KDR: variants seen among roughly 807,000 people sequenced by gnomAD.
KDR encodes the protein kinase insert domain receptor, also known as vascular endothelial growth factor receptor 2.
KDR carries 43 observed loss-of-function variants against 160.9 expected under a neutral mutation model. The observed-to-expected ratio is 0.27, with a 90% CI of 0.21 to 0.34. The LOEUF (loss-of-function observed/expected upper bound fraction) is 0.34. Ranked by LOEUF, KDR falls within the 10% of genes least tolerant of loss-of-function variation. KDR has a pLI of 1.00. For missense variants in KDR, 1,469 were observed against 1,666.4 expected, an observed-to-expected ratio of 0.88 and a Z score of 2.06; for synonymous variants, 617 against 600.1, an observed-to-expected ratio of 1.03 and a Z score of -0.41.
Position 55,094,887 on chromosome 4 carries a change from G to GCGC in KDR, c.2883_2885dup (p.Arg962dup). 1 of 1,613,968 alleles carries GCGC rather than the reference G, an allele frequency of 6.2e-7. No individual in the cohort carries two copies. ...TCTGGCTACTGGTGATGCTGTCCAA[G>GCGC]CGCCGTTTCAGATCCACAGGGATTG... On this transcript the variant is annotated inframe_insertion, in exon 21 of 30. Transcript: ENST00000263923.
At position 55,110,713 on chromosome 4, in the gene KDR, C is replaced by G. The variant is rs367820756; in HGVS notation, c.1032G>C (p.Val344=). The G allele has an allele frequency of 6.9e-5, 112 of 1,613,602 alleles. No homozygotes were observed. The African/African-American group carries it at 9.6e-4, about 14-fold the overall frequency. ...SGMESLVEAT[V]GERVRIPAKY... ...TCGCAGGGATTCTGACACGCTCCCC[C>G]ACCGTGGCTTCCACCAGAGATTCCA... The change falls in exon 8 of 30, where the codon GTG becomes GTC. Residue 344 remains valine, a synonymous_variant. Coordinates refer to ENST00000263923, the MANE Select transcript of KDR (RefSeq NM_002253.4).
rs1720226070 is a variant in KDR, at chr4:55,098,747, C to T, written c.2323G>A (p.Ala775Thr). 1 of 1,613,406 alleles carries T rather than the reference C, an allele frequency of 6.2e-7. No homozygotes were observed. Among genetic ancestry groups the T allele is most frequent in the Non-Finnish European group, 8.5e-7 (1 of 1,179,524 alleles). ...IIILVGTAVI[A>T]MFFWLLLVII... ...ACAAGAAGTAGCCAGAAGAACATGG[C>T]AATCACCGCCGTGCCTACTAGAATA... is the stretch of plus-strand genomic sequence containing the variant. Residue 775 changes from alanine (A) to threonine (T), a missense_variant, in exon 16 of 30, where the codon GCC becomes ACC. Physicochemically the swap from Ala to Thr is moderately conservative, Grantham distance 58. This residue lies in a region of KDR where 118 missense variants were observed against 110.8 expected (regional missense o/e 1.06). Coordinates refer to ENST00000263923, the MANE Select transcript of KDR (RefSeq NM_002253.4).
Position 55,087,736 on chromosome 4 carries a change from A to G in KDR, c.3533T>C (p.Leu1178Pro). 1 of 1,614,210 alleles carries G rather than the reference A, an allele frequency of 6.2e-7. No individual in the cohort carries two copies. The highest frequency in any genetic ancestry group is 1.1e-5 in the South Asian group (1 of 91,086). ...AQQDGKDYIV[L>P]PISETLSMEE... The stretch of plus-strand genomic sequence containing the variant: ...CATGCTCAAAGTCTCTGATATCGGA[A>G]GAACAATGTAGTCTTTGCCATCCTG... Residue 1178 changes from leucine (L) to proline (P), a missense_variant, in exon 27 of 30, where the codon CTT becomes CCT. By Grantham distance (98) the Leu-to-Pro change is moderately conservative. Around this residue, in one of 7 missense-constraint regions of KDR, gnomAD observed 132 missense variants for 195.9 expected, o/e 0.67. Transcript: ENST00000263923.
At chr4:55,124,126 T>C (rs1236812534) in intron 1 of KDR, among the ~76,000 whole-genome samples, 3 of 152,210 alleles carry the variant, frequency 2.0e-5, no homozygotes, top group Non-Finnish European at 4.4e-5. Context: ...CATGGACAGA[T>C]GATCCTGGTA....
chr4:55,080,460 G>A lies in KDR; in HGVS notation c.3849-297C>T, dbSNP rs1026901918. 3.1e-4 allele frequency among the ~76,000 whole-genome samples: 46 copies of A among 148,164 alleles called. 1 individual carries two copies. Among genetic ancestry groups the A allele is most frequent in the Admixed American group, 3.0e-3 (45 of 15,212 alleles). On this transcript the variant is annotated intron_variant, in intron 29 of 29. Coordinates refer to ENST00000263923, the MANE Select transcript of KDR (RefSeq NM_002253.4). Reference sequence around the variant, plus strand: ...GCAAAGGCCCCAACTGATGGAACATGTTTATGGCCTCGCAGATTGACAAAT... The same window carrying A: ...GCAAAGGCCCCAACTGATGGAACATATTTATGGCCTCGCAGATTGACAAAT...
intron 15 of KDR, among the ~76,000 whole-genome samples, chr4:55,100,169 GAGA>G (rs1166095003): frequency 1.3e-5 from 2 of 152,178 alleles, no homozygotes; most frequent in African/African-American, 4.8e-5. Flanking sequence ...GGCCTCAAGA[GAGA>G]AGAAGACAAG....
chr4:55,114,736 G>C (rs566982955), intron 5 of KDR, 138 bp downstream of exon 5: 1 of 751,588 alleles, frequency 1.3e-6, no homozygotes, highest in East Asian at 2.6e-5. Flanking sequence ...ATTTGGTAGA[G>C]AAGAGCAGAT....
At chr4:55,122,554 A>C (rs1720911102) in intron 1 of KDR, among the ~76,000 whole-genome samples, 1 of 152,226 alleles carries the variant, frequency 6.6e-6, no homozygotes, top group Non-Finnish European at 1.5e-5. Context: ...TGAGGATCCC[A>C]ATATGAACAA....
chr4:55,085,795 TGTG>T (rs1340984093), intron 27 of KDR, among the ~76,000 whole-genome samples: 6 of 151,856 alleles, frequency 4.0e-5, no homozygotes, highest in African/African-American at 1.5e-4. Context: ...GTGCTGGGAG[TGTG>T]GTGTCACATT....
At chr4:55,115,115 A>T in intron 4 of KDR, 73 bp from the exon 5 acceptor site, 1 of 1,352,188 alleles carries the variant, frequency 7.4e-7, no homozygotes, top group South Asian at 1.2e-5. Flanking sequence ...TGATCACTGA[A>T]GAATTCATCT....
chr4:55,107,837 C>G lies in KDR; in HGVS notation c.1312G>C (p.Gly438Arg), dbSNP rs754979123. ...LISPVDSYQY[G>R]TTQTLTCTVY... The stretch of plus-strand genomic sequence containing the variant: ...GTACATGTCAGCGTTTGAGTGGTGC[C>G]GTACTGGTAGGAATCCACAGGAGAG... The change falls in exon 10 of 30, where the codon GGC (glycine) becomes CGC (arginine). Residue 438 changes from glycine (G) to arginine (R), a missense_variant. Physicochemically the swap from Gly to Arg is moderately radical, Grantham distance 125. Coordinates refer to ENST00000263923, the MANE Select transcript of KDR (RefSeq NM_002253.4). The G allele has an allele frequency of 1.3e-5, 21 of 1,613,686 alleles. No individual in the cohort carries two copies. In the South Asian group the frequency reaches 2.0e-4, roughly 15 times the overall value.
chr4:55,080,415 A>T (rs1034453209), intron 29 of KDR, among the ~76,000 whole-genome samples: 5 of 152,206 alleles, frequency 3.3e-5, no homozygotes, highest in Non-Finnish European at 5.9e-5. Flanking sequence ...ATGAGATGAA[A>T]GGCAGTTCTC....
chr4:55,105,977 A>C, intron 11 of KDR, 37 bp from the exon 12 acceptor site: 23 of 1,292,706 alleles, frequency 1.8e-5, no homozygotes, highest in South Asian at 2.4e-5. Context: ...GCCATAAACA[A>C]CGCGGCTGTT....
Position 55,097,666 on chromosome 4 carries a change from C to T in KDR, c.2610G>A (p.Leu870=), listed in dbSNP as rs2110017214. ...ATCRTVAVKM[L]KEGATHSEHR... ...ACCACATAATTTTGCTTTTACCTTT[C>T]AACATTTTGACTGCTACTGTCCTGC... The change falls in exon 18 of 30, where the codon TTG becomes TTA. Residue 870 remains leucine, a synonymous_variant. Transcript: ENST00000263923. 1 of 1,609,304 alleles carries T rather than the reference C, an allele frequency of 6.2e-7. No homozygotes were observed. Among genetic ancestry groups the T allele is most frequent in the Admixed American group, 1.7e-5 (1 of 59,942 alleles).
At position 55,110,663 on chromosome 4, in the gene KDR, T is replaced by G. The variant is rs148390587; in HGVS notation, c.1082A>C (p.Glu361Ala). 6.2e-7 allele frequency: 1 copy of G among 1,613,904 alleles called. No individual in the cohort carries two copies. The highest frequency in any genetic ancestry group is 8.5e-7 in the Non-Finnish European group (1 of 1,179,868). Residue 361 changes from glutamate (E) to alanine (A), a missense_variant, in exon 8 of 30, where the codon GAA becomes GCA. Glu to Ala is a moderately radical substitution (Grantham distance 107). This residue lies in a region of KDR where 792 missense variants were observed against 840.9 expected (regional missense o/e 0.94). Coordinates refer to ENST00000263923, the MANE Select transcript of KDR (RefSeq NM_002253.4). ...PAKYLGYPPP[E>A]IKWYKNGIPL... is the part of the protein sequence containing the mutation. ...TATTTCCAGTAGTTACCATTTTATT[T>G]CTGGGGGTGGGTAACCAAGGTACTT... is the stretch of plus-strand genomic sequence containing the variant.
chr4:55,108,466 T>G (rs1720496240), intron 9 of KDR, among the ~76,000 whole-genome samples: 2 of 152,036 alleles, frequency 1.3e-5, no homozygotes, highest in African/African-American at 4.8e-5. Flanking sequence ...CACTTAATCC[T>G]CACAACCACT....
intron 20 of KDR, among the ~76,000 whole-genome samples, chr4:55,095,175 C>T (rs903998730): frequency 3.9e-5 from 6 of 152,156 alleles, no homozygotes; most frequent in African/African-American, 1.4e-4. Context: ...CCTTCTTTAG[C>T]TTAAAGTGAC....
At chr4:55,084,502 A>G (rs1719811047) in intron 27 of KDR, among the ~76,000 whole-genome samples, 1 of 152,218 alleles carries the variant, frequency 6.6e-6, no homozygotes, top group East Asian at 1.9e-4. Context: ...TTTAAATGGC[A>G]TGATCCTCTC....
At chr4:55,081,597 A>G (rs1578124658) in intron 29 of KDR, among the ~76,000 whole-genome samples, 1 of 152,206 alleles carries the variant, frequency 6.6e-6, no homozygotes, top group South Asian at 2.1e-4. Flanking sequence ...TTGTATACAG[A>G]CTTAAAAATT....
Sources: gnomAD v4.1 joint callset for allele counts (sites outside exome capture counted in the v4.1 genomes callset) on GRCh38, gnomAD v4.1.1 for gene constraint, gnomAD v4.1.1 regional missense constraint, MANE v1.5 for transcripts, NCBI Gene and HGNC (gene_info 2026-07-23, HGNC 2026-07-21) for gene names.